Variants in GPR107 observed in about 807,000 individuals in gnomAD.
GPR107 encodes G protein-coupled receptor 107.
GPR107 carries 31 observed loss-of-function variants against 75.5 expected under a neutral mutation model. The observed-to-expected ratio is 0.41, with a 90% CI of 0.31 to 0.55. The LOEUF (loss-of-function observed/expected upper bound fraction) is 0.55, where lower values mean the gene tolerates loss of function less well. Among genes scored for constraint, GPR107 ranks in the 20% least tolerant of loss-of-function variants. The pLI is 0.26. For missense variants in GPR107, 572 were observed against 665.7 expected, an observed-to-expected ratio of 0.86 and a Z score of 1.55; for synonymous variants, 267 against 251.3, an observed-to-expected ratio of 1.06 and a Z score of -0.59.
At chr9:130,062,660 G>GCCTGCCTTCCTTCCTT (rs1300037621) in intron 1 of GPR107, among the ~76,000 whole-genome samples, 80 of 69,110 alleles carry the variant, frequency 1.2e-3, no homozygotes, top group Admixed American at 2.7e-3. Flanking sequence ...CTGCCTGCCT[G>GCCTGCCTTCCTTCCTT]CCTTCCTTCC....
intron 9 of GPR107, among the ~76,000 whole-genome samples, chr9:130,096,109 C>T (rs1830861251): frequency 1.3e-5 from 2 of 152,140 alleles, no homozygotes; most frequent in South Asian, 2.1e-4. Flanking sequence ...CATCACATCT[C>T]TGCCCCATCG....
chr9:130,102,513 T>G (rs986103878), intron 12 of GPR107, among the ~76,000 whole-genome samples: 1 of 152,120 alleles, frequency 6.6e-6, no homozygotes. Context: ...ATAAGGACAT[T>G]TAACAAATTA....
chr9:130,123,136 C>T (rs10988599), intron 14 of GPR107, among the ~76,000 whole-genome samples: 47,957 of 152,048 alleles, frequency 0.32, 7,750 homozygotes, highest in Non-Finnish European at 0.38. Context: ...CCTCAATCTC[C>T]AGTGTTCAGG....
In GPR107 at chr9:130,097,155, C is replaced by CTTTT. The variant is rs71387312; in HGVS notation, c.864-2288_864-2285dup. Among the ~76,000 whole-genome samples the CTTTT allele has an allele frequency of 1.8e-4, 23 of 130,180 alleles. 2 individuals are homozygous for CTTTT. Among genetic ancestry groups the CTTTT allele is most frequent in the East Asian group, 4.6e-4 (2 of 4,382 alleles). The allele number at this position is 130,180 out of a possible 152,430, so 85.4% of individuals were successfully genotyped here. On this transcript the variant is annotated intron_variant, in intron 9 of 17. Coordinates refer to ENST00000347136, the MANE Select transcript of GPR107 (RefSeq NM_020960.5). ...TCTTTTCTTTACTTTTCTTTTTTTT[C>CTTTT]TTTTTTTTTTTTTTTTTGAGACAGA...
Position 130,103,161 on chromosome 9 carries a change from G to A in GPR107, c.1132-1259G>A, listed in dbSNP as rs1831078277. On this transcript the variant is annotated intron_variant, in intron 12 of 17. Transcript: ENST00000347136. The surrounding 1 kb of genome is among the most constrained non-coding windows in gnomAD (Gnocchi z 4.3). ...TAGACAGGGCTTCACGAGCAGTGTG[G>A]GACAGGGAAGGACCCAGAAGCTGGG... 6.6e-6 allele frequency among the ~76,000 whole-genome samples: 1 copy of A among 152,072 alleles called. No homozygotes were observed. Among genetic ancestry groups the A allele is most frequent in the South Asian group, 2.1e-4 (1 of 4,826 alleles).
intron 1 of GPR107, 133 bp downstream of exon 1, chr9:130,054,206 C>T: frequency 1.1e-6 from 1 of 901,660 alleles, no homozygotes; most frequent in Non-Finnish European, 1.6e-6. Context: ...CTTTCACTGA[C>T]AGGTGGCGGG....
chr9:130,073,683 G>A (rs905128399), intron 1 of GPR107, among the ~76,000 whole-genome samples: 6 of 152,204 alleles, frequency 3.9e-5, no homozygotes, highest in African/African-American at 1.4e-4. Flanking sequence ...AAAGAACAGG[G>A]AAGCCAGGGC....
intron 3 of GPR107, among the ~76,000 whole-genome samples, 153 bp from the exon 4 acceptor site, chr9:130,077,146 A>G (rs1287726420): frequency 6.6e-6 from 1 of 151,828 alleles, no homozygotes; most frequent in Non-Finnish European, 1.5e-5. Context: ...TCGGCCTCCC[A>G]AAGTGCTGGG....
rs1174993126 is a variant in GPR107, at chr9:130,088,669, A to AT, written c.621+2199dup. Reference sequence around the variant, plus strand: ...ACAACTCTGTGAAGTCGGTATTGTTATTTTTTCTCTTTTACCAATGAGAAA... The same window carrying AT: ...ACAACTCTGTGAAGTCGGTATTGTTATTTTTTTCTCTTTTACCAATGAGAAA... On this transcript the variant is annotated intron_variant, in intron 7 of 17. Transcript: ENST00000347136. 7.2e-5 allele frequency among the ~76,000 whole-genome samples: 11 copies of AT among 152,194 alleles called. No homozygotes were observed. The East Asian group carries it at 2.1e-3, about 29-fold the overall frequency.
intron 14 of GPR107, among the ~76,000 whole-genome samples, chr9:130,123,530 C>CTTTTT (rs57730952): frequency 7.9e-5 from 10 of 127,144 alleles, no homozygotes; most frequent in Non-Finnish European, 6.6e-5. Flanking sequence ...CTTTTCTTTT[C>CTTTTT]TTTTTTTTTT....
chr9:130,119,609 G>A (rs1452251771), intron 14 of GPR107, among the ~76,000 whole-genome samples: 5 of 152,172 alleles, frequency 3.3e-5, no homozygotes, highest in Non-Finnish European at 5.9e-5. Flanking sequence ...ATGTTCAGTC[G>A]TGCAGGGCCC....
intron 14 of GPR107, among the ~76,000 whole-genome samples, chr9:130,114,029 C>CTTTTTTTTTTTTTT (rs60616601): frequency 2.8e-4 from 25 of 90,660 alleles, no homozygotes; most frequent in South Asian, 4.3e-4. Context: ...TCTTCTCATT[C>CTTTTTTTTTTTTTT]TTTTTTTTTT....
At chr9:130,097,511 C>T (rs778863112) in intron 9 of GPR107, among the ~76,000 whole-genome samples, 14 of 152,202 alleles carry the variant, frequency 9.2e-5, no homozygotes, top group Admixed American at 6.5e-4. Context: ...TAGGTTTATA[C>T]GTCTACCAGT....
At chr9:130,057,900 A>T (rs1829833572) in intron 1 of GPR107, among the ~76,000 whole-genome samples, 1 of 151,054 alleles carries the variant, frequency 6.6e-6, no homozygotes. Flanking sequence ...GCGCGATCTC[A>T]GCTTACAGCA....
chr9:130,079,867 C>A, intron 5 of GPR107, 98 bp downstream of exon 5: 2 of 673,068 alleles, frequency 3.0e-6, no homozygotes, highest in Non-Finnish European at 4.6e-6. Flanking sequence ...GATCTGTTGT[C>A]GTCTTAGCAT....
At chr9:130,068,308 G>A (rs1264829630) in intron 1 of GPR107, among the ~76,000 whole-genome samples, 1 of 151,984 alleles carries the variant, frequency 6.6e-6, no homozygotes, top group Non-Finnish European at 1.5e-5. Flanking sequence ...GGTTCTTATT[G>A]TACTGGAACG....
At chr9:130,058,462 C>CT (rs554366603) in intron 1 of GPR107, among the ~76,000 whole-genome samples, 1 of 151,546 alleles carries the variant, frequency 6.6e-6, no homozygotes, top group Non-Finnish European at 1.5e-5. Flanking sequence ...GATGAGTAGG[C>CT]TTTTTTTCTT....
intron 12 of GPR107, 76 bp downstream of exon 12, chr9:130,101,299 A>G: frequency 1.3e-6 from 1 of 796,306 alleles, no homozygotes; most frequent in Non-Finnish European, 2.2e-6. Flanking sequence ...CTGTATGGGA[A>G]GAGGGAGTCA....
chr9:130,063,196 CTT>C (rs760373185), intron 1 of GPR107, among the ~76,000 whole-genome samples: 1 of 146,580 alleles, frequency 6.8e-6, no homozygotes. Context: ...ATATAACATG[CTT>C]TTTTTTTTTT....
Sources: gnomAD v4.1 joint callset for allele counts (sites outside exome capture counted in the v4.1 genomes callset) on GRCh38, gnomAD v4.1.1 for gene constraint, Gnocchi (gnomAD v3.1) non-coding constraint, MANE v1.5 for transcripts, NCBI Gene and HGNC (gene_info 2026-07-23, HGNC 2026-07-21) for gene names.